The following MCC variants were observed in gnomAD, a reference collection of about 807,000 sequenced individuals.
MCC encodes the protein MCC regulator of Wnt signaling pathway.
Under a neutral mutation model 116.2 loss-of-function variants are expected in MCC, and 90 were observed. The observed-to-expected ratio is 0.77, with a 90% CI of 0.65 to 0.92. The LOEUF (loss-of-function observed/expected upper bound fraction) is 0.92, where lower values mean the gene tolerates loss of function less well. Ranked by LOEUF, MCC falls within the 40% of genes least tolerant of loss-of-function variation. The pLI, the probability that MCC is intolerant of heterozygous loss-of-function variation, is 0.00. For missense variants in MCC, 1,516 were observed against 1,312.2 expected, an observed-to-expected ratio of 1.16 and a Z score of -2.40; for synonymous variants, 578 against 510.5, an observed-to-expected ratio of 1.13 and a Z score of -1.78.
chr5:113,439,945 G>C (rs572533469), intron 1 of MCC, among the ~76,000 whole-genome samples: 1 of 152,114 alleles, frequency 6.6e-6, no homozygotes, highest in African/African-American at 2.4e-5. Flanking sequence ...CCTCACTATA[G>C]CCTCAACCTC....
intron 10 of MCC, among the ~76,000 whole-genome samples, chr5:113,083,595 A>G (rs1298376590): frequency 1.3e-5 from 2 of 152,192 alleles, no homozygotes; most frequent in African/African-American, 4.8e-5. Context: ...TTCACCATCC[A>G]TCAGCTCTTA....
Position 113,434,966 on chromosome 5 carries a change from TC to T in MCC, c.171-49755del. 4.2e-6 allele frequency: 5 copies of T among 1,185,764 alleles called. No homozygotes were observed. Among genetic ancestry groups the T allele is most frequent in the South Asian group, 1.6e-5 (1 of 62,054 alleles). The allele number at this position is 1,185,764 out of a possible 1,614,324, so 73.5% of individuals were successfully genotyped here. A position where few individuals can be genotyped will look rare whatever the true frequency, so the allele number is the denominator to read the frequency against. The stretch of plus-strand genomic sequence containing the variant: ...GCTGGCCAGGCCTGCTGTTCCTGCC[TC>T]CTAGAGGCCAAGACTCTGGAGTGGA... On this transcript the variant is annotated intron_variant, in intron 1 of 18. Coordinates refer to ENST00000408903, the MANE Select transcript of MCC (RefSeq NM_001085377.2). The surrounding 1 kb of genome is among the most constrained non-coding windows in gnomAD (Gnocchi z 4.2).
intron 3 of MCC, among the ~76,000 whole-genome samples, chr5:113,228,081 T>G (rs1016026264): frequency 6.6e-5 from 10 of 152,302 alleles, no homozygotes; most frequent in African/African-American, 2.4e-4. Context: ...ATCAGAGAAT[T>G]TGCCTACTTA....
intron 3 of MCC, among the ~76,000 whole-genome samples, chr5:113,232,852 G>A (rs1429598475): frequency 6.6e-6 from 1 of 152,162 alleles, no homozygotes; most frequent in Non-Finnish European, 1.5e-5. Context: ...GGCTCTACCA[G>A]TTACTATGTG....
chr5:113,217,141 A>C (rs1461376397), intron 3 of MCC, among the ~76,000 whole-genome samples: 2 of 152,222 alleles, frequency 1.3e-5, no homozygotes, highest in Non-Finnish European at 2.9e-5. Context: ...AATTATGAAA[A>C]CAAGCAGCTA....
intron 3 of MCC, among the ~76,000 whole-genome samples, chr5:113,286,793 T>C (rs894605761): frequency 5.9e-5 from 9 of 152,254 alleles, no homozygotes; most frequent in African/African-American, 2.2e-4. Flanking sequence ...AAGAAATATC[T>C]TGAAAGATTC....
At chr5:113,274,668 AT>A (rs1043791404) in intron 3 of MCC, among the ~76,000 whole-genome samples, 1 of 152,112 alleles carries the variant, frequency 6.6e-6, no homozygotes, top group Non-Finnish European at 1.5e-5. Flanking sequence ...TCCTAAAGAT[AT>A]TTTGAAGGTT....
chr5:113,071,437 C>T (rs556807664), intron 11 of MCC, among the ~76,000 whole-genome samples: 2 of 152,116 alleles, frequency 1.3e-5, no homozygotes, highest in East Asian at 3.9e-4. Context: ...AAAAATAAGC[C>T]CCCTGGTTAA....
At chr5:113,396,327 A>G (rs1769523728) in intron 1 of MCC, among the ~76,000 whole-genome samples, 1 of 152,048 alleles carries the variant, frequency 6.6e-6, no homozygotes, top group African/African-American at 2.4e-5. Flanking sequence ...GACTGTCTCA[A>G]AAACCAACAA....
At chr5:113,081,011 C>G (rs1754823050) in intron 11 of MCC, among the ~76,000 whole-genome samples, 1 of 152,106 alleles carries the variant, frequency 6.6e-6, no homozygotes, top group Non-Finnish European at 1.5e-5. Flanking sequence ...CATAGCCTAG[C>G]ATATAGCAGA....
At chr5:113,461,593 C>T (rs918784197) in intron 1 of MCC, among the ~76,000 whole-genome samples, 5 of 151,890 alleles carry the variant, frequency 3.3e-5, no homozygotes, top group African/African-American at 1.2e-4. Context: ...ACTGCTTGAG[C>T]CCAGGAGTCT....
At chr5:113,114,527 C>A (rs947752906) in intron 6 of MCC, among the ~76,000 whole-genome samples, 1 of 115,876 alleles carries the variant, frequency 8.6e-6, no homozygotes, top group South Asian at 3.0e-4. Flanking sequence ...GAACATGCAA[C>A]CTTTTTTCCC....
At chr5:113,483,705 G>A (rs1377641789) in intron 1 of MCC, among the ~76,000 whole-genome samples, 1 of 152,058 alleles carries the variant, frequency 6.6e-6, no homozygotes, top group African/African-American at 2.4e-5. Flanking sequence ...TATACTCAAA[G>A]GAATATAAAT....
chr5:113,309,272 T>C (rs1332463355), intron 3 of MCC, among the ~76,000 whole-genome samples: 1 of 152,222 alleles, frequency 6.6e-6, no homozygotes, highest in Non-Finnish European at 1.5e-5. Flanking sequence ...GAGTCTGGAC[T>C]TTTTAGTGTA....
chr5:113,460,233 C>A (rs769776016), intron 1 of MCC, among the ~76,000 whole-genome samples: 18 of 152,080 alleles, frequency 1.2e-4, no homozygotes, highest in Non-Finnish European at 2.5e-4. Context: ...ATCCTCTTTC[C>A]ATGGGAAATT....
chr5:113,212,850 A>C (rs1281922354), intron 3 of MCC, among the ~76,000 whole-genome samples: 1 of 152,218 alleles, frequency 6.6e-6, no homozygotes, highest in Non-Finnish European at 1.5e-5. Context: ...GACGAAAAAC[A>C]GACAAAAACA....
In MCC at chr5:113,026,016, G is replaced by A. The variant is rs114240668; in HGVS notation, c.*1286C>T. ...AAAAACAGTAAATGGTCCTTCAAGT[G>A]TATCAGTGTAGAACTGAGAGAGAAG... is the stretch of plus-strand genomic sequence containing the variant. On this transcript the variant is annotated 3_prime_UTR_variant, in exon 19 of 19. Transcript: ENST00000408903. 1.1e-4 allele frequency: 16 copies of A among 152,350 alleles called. No homozygotes were observed. Among genetic ancestry groups the A allele is most frequent in the East Asian group, 3.9e-4 (2 of 5,188 alleles). The allele number at this position is 152,350 out of a possible 1,614,324, so 9.4% of individuals were successfully genotyped here. A position where few individuals can be genotyped will look rare whatever the true frequency, so the allele number is the denominator to read the frequency against.
chr5:113,395,129 T>C (rs1769492024), intron 1 of MCC, among the ~76,000 whole-genome samples: 1 of 152,344 alleles, frequency 6.6e-6, no homozygotes, highest in African/African-American at 2.4e-5. Flanking sequence ...AAGTGCTAAA[T>C]AAATGCATAA....
intron 16 of MCC, among the ~76,000 whole-genome samples, chr5:113,046,301 T>C (rs1458207317): frequency 6.6e-6 from 1 of 152,098 alleles, no homozygotes; most frequent in Non-Finnish European, 1.5e-5. Flanking sequence ...CAAGCAGTTC[T>C]TGTGCCGCAG....
Sources: gnomAD v4.1 joint callset for allele counts (sites outside exome capture counted in the v4.1 genomes callset) on GRCh38, gnomAD v4.1.1 for gene constraint, Gnocchi (gnomAD v3.1) non-coding constraint, MANE v1.5 for transcripts, NCBI Gene and HGNC (gene_info 2026-07-23, HGNC 2026-07-21) for gene names.